Variants in PLD5 observed in about 807,000 individuals in gnomAD.
PLD5 encodes the protein inactive phospholipase D5.
A neutral mutation model predicts 61.1 loss-of-function variants in PLD5; 36 were observed. The observed-to-expected ratio is 0.59, with a 90% CI of 0.45 to 0.78. The LOEUF is 0.78. PLD5 is among the 30% of genes least tolerant of loss of function. The pLI is 0.00. For missense variants in PLD5, 515 were observed against 644.4 expected (o/e 0.80, Z 2.17); for synonymous variants, 243 against 242.8 (o/e 1.00, Z -0.01).
At chr1:242,453,734 G>T (rs1241657759) in intron 1 of PLD5, among the ~76,000 whole-genome samples, 1 of 152,114 alleles carries the variant, frequency 6.6e-6, no homozygotes, top group African/African-American at 2.4e-5. Context: ...AGAGACATAG[G>T]CTCCTACTTA....
chr1:242,381,208 T>G, intron 1 of PLD5, among the ~76,000 whole-genome samples: 1 of 152,128 alleles, frequency 6.6e-6, no homozygotes, highest in East Asian at 1.9e-4. Context: ...CCATGGAATA[T>G]TATGCAGTCA....
rs867122477 is a variant in PLD5 at position 242,492,660 on chromosome 1, C to T, written c.189+31428G>A. ...TTACTATGTGTCTTAGTCCAGGCTGCGATAACAGACTACCCTAGACTAAGT... is the reference window on the plus strand; with the variant it reads ...TTACTATGTGTCTTAGTCCAGGCTGTGATAACAGACTACCCTAGACTAAGT... On this transcript the variant is annotated intron_variant, in intron 1 of 9. Transcript: ENST00000536534. 9.2e-5 allele frequency among the ~76,000 whole-genome samples: 14 copies of T among 152,192 alleles called. 1 individual carries two copies. The Middle Eastern group carries it at 0.017, about 185-fold the overall frequency.
chr1:242,108,272 G>A (rs1661219838), intron 7 of PLD5, among the ~76,000 whole-genome samples: 1 of 151,370 alleles, frequency 6.6e-6, no homozygotes, highest in Admixed American at 6.6e-5. Flanking sequence ...ATGAACTTAC[G>A]CTCTGGTCAT....
intron 1 of PLD5, among the ~76,000 whole-genome samples, chr1:242,447,465 G>A (rs890801299): frequency 6.6e-6 from 1 of 152,184 alleles, no homozygotes; most frequent in Non-Finnish European, 1.5e-5. Context: ...TCCGGTCAGT[G>A]GTCTCTTACT....
At chr1:242,167,115 T>TAATAAAAAA (rs571998418) in intron 5 of PLD5, among the ~76,000 whole-genome samples, 9 of 135,242 alleles carry the variant, frequency 6.7e-5, no homozygotes, top group African/African-American at 2.5e-4. Flanking sequence ...ATAATAATAA[T>TAATAAAAAA]AAATAGTAGC....
At chr1:242,476,869 A>G (rs1275710508) in intron 1 of PLD5, among the ~76,000 whole-genome samples, 1 of 152,212 alleles carries the variant, frequency 6.6e-6, no homozygotes, top group East Asian at 1.9e-4. Flanking sequence ...GGGAGGCATG[A>G]AGACTTGGCG....
chr1:242,333,852 TCC>T, intron 2 of PLD5, among the ~76,000 whole-genome samples: 3 of 152,140 alleles, frequency 2.0e-5, no homozygotes, highest in Admixed American at 2.0e-4. Context: ...TGAATAATAT[TCC>T]ATTGCATATA....
chr1:242,311,091 C>A (rs529320123), intron 2 of PLD5, among the ~76,000 whole-genome samples: 59 of 152,234 alleles, frequency 3.9e-4, no homozygotes, highest in Middle Eastern at 3.4e-3. Flanking sequence ...TCATTAAACA[C>A]AATCATACCC....
intron 5 of PLD5, among the ~76,000 whole-genome samples, chr1:242,202,020 G>A (rs1338463493): frequency 6.6e-6 from 1 of 152,040 alleles, no homozygotes; most frequent in Non-Finnish European, 1.5e-5. Flanking sequence ...TTCAAGACCA[G>A]CCTGGCCAAC....
intron 7 of PLD5, among the ~76,000 whole-genome samples, chr1:242,112,321 G>GTGTGTGTGTGTA (rs1553301149): frequency 1.2e-5 from 1 of 82,514 alleles, no homozygotes; most frequent in African/African-American, 5.9e-5. Flanking sequence ...GTGTGTGTGT[G>GTGTGTGTGTGTA]TGTATGTATG....
intron 2 of PLD5, among the ~76,000 whole-genome samples, chr1:242,319,970 C>CT (rs1473835644): frequency 1.3e-5 from 2 of 152,344 alleles, no homozygotes; most frequent in African/African-American, 2.4e-5. Context: ...CCAATACCTG[C>CT]TTTTTTCCCT....
intron 5 of PLD5, among the ~76,000 whole-genome samples, chr1:242,198,104 A>AATG (rs1558332837): frequency 1.8e-5 from 2 of 111,774 alleles, no homozygotes; most frequent in South Asian, 2.8e-4. Context: ...ATGAATGAAT[A>AATG]AATGAACCAA....
intron 1 of PLD5, among the ~76,000 whole-genome samples, chr1:242,374,821 C>G (rs1661854498): frequency 6.6e-6 from 1 of 152,186 alleles, no homozygotes; most frequent in Admixed American, 6.5e-5. Flanking sequence ...AACTTAAGCC[C>G]AAAAATGGAC....
chr1:242,189,795 T>C (rs1420648634), intron 5 of PLD5, among the ~76,000 whole-genome samples: 1 of 152,000 alleles, frequency 6.6e-6, no homozygotes, highest in East Asian at 1.9e-4. Context: ...TGATGGAACA[T>C]ATGGGAGAAG....
At chr1:242,289,094 A>C (rs1675200763) in intron 2 of PLD5, among the ~76,000 whole-genome samples, 1 of 152,236 alleles carries the variant, frequency 6.6e-6, no homozygotes, top group Admixed American at 6.5e-5. Flanking sequence ...GCAGGGCTTT[A>C]CTAATATTAG....
intron 2 of PLD5, among the ~76,000 whole-genome samples, chr1:242,328,337 CGT>C (rs1314616902): frequency 1.2e-4 from 18 of 151,306 alleles, no homozygotes; most frequent in Non-Finnish European, 1.2e-4. Flanking sequence ...GTTTTACATA[CGT>C]GTGTTCTACA....
chr1:242,308,415 C>T (rs1485866930), intron 2 of PLD5, among the ~76,000 whole-genome samples: 4 of 152,174 alleles, frequency 2.6e-5, no homozygotes, highest in Non-Finnish European at 5.9e-5. Context: ...TAACTTTACT[C>T]ATCTGTAAAA....
At chr1:242,106,943 G>A (rs1460691035) in intron 8 of PLD5, among the ~76,000 whole-genome samples, 4 of 152,152 alleles carry the variant, frequency 2.6e-5, no homozygotes, top group Admixed American at 6.5e-5. Flanking sequence ...GACGAGGACT[G>A]GAGTAGAGTC....
intron 5 of PLD5, among the ~76,000 whole-genome samples, chr1:242,155,560 C>T (rs1415880262): frequency 6.6e-6 from 1 of 152,146 alleles, no homozygotes; most frequent in Non-Finnish European, 1.5e-5. Flanking sequence ...TCTTTGTTCT[C>T]ATTGGTTTCC....
Sources: allele counts gnomAD v4.1 joint callset (sites outside exome capture counted in the v4.1 genomes callset), GRCh38; gene constraint gnomAD v4.1.1; transcripts MANE v1.5; gene names NCBI Gene and HGNC (gene_info 2026-07-23, HGNC 2026-07-21).